Variants in LRRTM4 observed in about 807,000 individuals in gnomAD.
LRRTM4 encodes the protein leucine-rich repeat transmembrane neuronal protein 4.
A neutral mutation model predicts 47.6 loss-of-function variants in LRRTM4; 25 were observed. The ratio of observed to expected loss-of-function variants is 0.53; its 90% CI spans 0.38 to 0.73. The LOEUF (loss-of-function observed/expected upper bound fraction) is 0.73, where lower values mean the gene tolerates loss of function less well. Ranked by LOEUF, LRRTM4 falls within the 30% of genes least tolerant of loss-of-function variation. The pLI, the probability that LRRTM4 is intolerant of heterozygous loss-of-function variation, is 0.00. For synonymous variants in LRRTM4, 311 were observed against 269.5 expected, an observed-to-expected ratio of 1.15 and a Z score of -1.51; for missense variants, 638 against 713.4, an observed-to-expected ratio of 0.89 and a Z score of 1.20.
chr2:77,289,102 A>G, intron 3 of LRRTM4, among the ~76,000 whole-genome samples: 1 of 152,072 alleles, frequency 6.6e-6, no homozygotes, highest in East Asian at 1.9e-4. Flanking sequence ...GTATCCTTTT[A>G]TTAAAAAGAT....
At chr2:77,465,609 A>C (rs1339119589) in intron 3 of LRRTM4, among the ~76,000 whole-genome samples, 4 of 152,128 alleles carry the variant, frequency 2.6e-5, no homozygotes, top group Non-Finnish European at 5.9e-5. Context: ...GGTGGGGGTC[A>C]AGGAAAATTT....
chr2:76,922,691 G>A (rs947229564), intron 3 of LRRTM4, among the ~76,000 whole-genome samples: 1 of 130,326 alleles, frequency 7.7e-6, no homozygotes, highest in African/African-American at 2.9e-5. Flanking sequence ...AGTTCTGGAG[G>A]CCTAAATGTA....
chr2:77,324,793 G>T (rs1670696972), intron 3 of LRRTM4, among the ~76,000 whole-genome samples: 2 of 152,106 alleles, frequency 1.3e-5, no homozygotes, highest in Admixed American at 6.6e-5. Context: ...TGACTATTTT[G>T]TGAAGAATTG....
chr2:77,510,846 G>C (rs1004289796), intron 3 of LRRTM4, among the ~76,000 whole-genome samples: 1 of 151,870 alleles, frequency 6.6e-6, no homozygotes, highest in Non-Finnish European at 1.5e-5. Flanking sequence ...AAAATTATAA[G>C]TGTCATAAGT....
intron 3 of LRRTM4, among the ~76,000 whole-genome samples, chr2:76,997,694 C>G (rs1392246306): frequency 2.0e-5 from 3 of 152,080 alleles, no homozygotes; most frequent in Admixed American, 2.0e-4. Flanking sequence ...TGGCAGGGGT[C>G]CCCAACTCCC....
intron 3 of LRRTM4, among the ~76,000 whole-genome samples, chr2:76,943,610 C>T (rs79862929): frequency 4.6e-4 from 70 of 152,238 alleles, no homozygotes; most frequent in African/African-American, 1.6e-3. Flanking sequence ...CAATTTGACC[C>T]TACCCTACCA....
At chr2:77,364,005 A>G (rs945004421) in intron 3 of LRRTM4, among the ~76,000 whole-genome samples, 9 of 152,122 alleles carry the variant, frequency 5.9e-5, no homozygotes, top group Non-Finnish European at 5.9e-5. Context: ...ATTACTGAAG[A>G]TAAATGAGCT....
intron 3 of LRRTM4, among the ~76,000 whole-genome samples, chr2:76,750,024 G>A (rs559464356): frequency 1.3e-5 from 2 of 152,288 alleles, no homozygotes; most frequent in African/African-American, 4.8e-5. Flanking sequence ...CCACATATCT[G>A]TTTTATTTGT....
intron 3 of LRRTM4, among the ~76,000 whole-genome samples, chr2:77,045,842 A>C (rs2103754938): frequency 6.6e-6 from 1 of 152,010 alleles, no homozygotes; most frequent in African/African-American, 2.4e-5. Context: ...TTTTGCTATC[A>C]TCTGATATCC....
At chr2:77,231,531 T>G (rs1674964764) in intron 3 of LRRTM4, among the ~76,000 whole-genome samples, 2 of 152,082 alleles carry the variant, frequency 1.3e-5, no homozygotes, top group South Asian at 2.1e-4. Flanking sequence ...TATTTTAATT[T>G]ATAAATGGAC....
chr2:77,248,618 A>C (rs1448473285), intron 3 of LRRTM4, among the ~76,000 whole-genome samples: 1 of 152,058 alleles, frequency 6.6e-6, no homozygotes, highest in Non-Finnish European at 1.5e-5. Context: ...ACAAATTTGG[A>C]GTTCTGACAC....
intron 3 of LRRTM4, among the ~76,000 whole-genome samples, chr2:76,773,872 A>G (rs1225748648): frequency 6.6e-6 from 1 of 151,990 alleles, no homozygotes; most frequent in Admixed American, 6.6e-5. Flanking sequence ...CCTGGAATCA[A>G]TAAATTTTAT....
intron 3 of LRRTM4, among the ~76,000 whole-genome samples, chr2:76,918,901 T>C (rs1333086126): frequency 6.6e-6 from 1 of 152,162 alleles, no homozygotes; most frequent in Non-Finnish European, 1.5e-5. Flanking sequence ...AGATAACCCT[T>C]TGGCTCAACC....
At position 76,930,336 on chromosome 2, in the gene LRRTM4, G is replaced by A. The variant is rs568368295; in HGVS notation, c.1552-181420C>T. Among the ~76,000 whole-genome samples, 10 of 152,188 alleles carry A rather than the reference G, an allele frequency of 6.6e-5. No homozygotes were observed. The East Asian group carries it at 9.7e-4, about 15-fold the overall frequency. The stretch of plus-strand genomic sequence containing the variant: ...TGCTCAGGTGCGTGTGCACGCATGC[G>A]TGCACACACACACACGCGATATGGT... On this transcript the variant is annotated intron_variant, in intron 3 of 3. Transcript: ENST00000409884.
intron 3 of LRRTM4, among the ~76,000 whole-genome samples, chr2:77,125,575 G>A (rs1405460712): frequency 6.6e-6 from 1 of 152,092 alleles, no homozygotes; most frequent in Non-Finnish European, 1.5e-5. Context: ...GTGCTAATAA[G>A]TTTACCATTT....
intron 3 of LRRTM4, among the ~76,000 whole-genome samples, chr2:76,824,866 T>G (rs1224735913): frequency 1.3e-5 from 2 of 151,730 alleles, no homozygotes; most frequent in South Asian, 2.1e-4. Context: ...TCTTTTCAAT[T>G]AGAGAAGCAA....
intron 3 of LRRTM4, among the ~76,000 whole-genome samples, chr2:77,015,839 C>T (rs1393296046): frequency 6.6e-6 from 1 of 152,062 alleles, no homozygotes; most frequent in South Asian, 2.1e-4. Flanking sequence ...AGAGAACAGC[C>T]AGGTGCAGTG....
chr2:77,196,564 C>A (rs187389538), intron 3 of LRRTM4, among the ~76,000 whole-genome samples: 1 of 151,972 alleles, frequency 6.6e-6, no homozygotes, highest in Non-Finnish European at 1.5e-5. Flanking sequence ...GCCAATATGG[C>A]GAAACCTCAC....
chr2:76,750,805 T>TC (rs1672825745), intron 3 of LRRTM4, among the ~76,000 whole-genome samples: 3 of 152,222 alleles, frequency 2.0e-5, no homozygotes, highest in Admixed American at 6.5e-5. Context: ...ATTCCCTCTC[T>TC]ATTCTTATGA....
Sources: allele counts gnomAD v4.1 joint callset (sites outside exome capture counted in the v4.1 genomes callset), GRCh38; gene constraint gnomAD v4.1.1; transcripts MANE v1.5; gene names NCBI Gene and HGNC (gene_info 2026-07-23, HGNC 2026-07-21).